The following EYA1 variants were observed in gnomAD, a reference collection of about 807,000 sequenced individuals.
The protein encoded by EYA1 is EYA transcriptional coactivator and phosphatase 1.
EYA1 carries 16 observed loss-of-function variants against 82.0 expected under a neutral mutation model. The ratio of observed to expected loss-of-function variants is 0.20; its 90% CI spans 0.13 to 0.30. EYA1 has a LOEUF of 0.30. EYA1 is among the 10% of genes least tolerant of loss of function. EYA1 has a pLI of 1.00. For missense variants in EYA1, 633 were observed against 730.7 expected (o/e 0.87, Z 1.54); for synonymous variants, 261 against 264.4 (o/e 0.99, Z 0.12).
intron 9 of EYA1, among the ~76,000 whole-genome samples, chr8:71,277,341 G>A (rs1817324090): frequency 6.6e-6 from 1 of 151,812 alleles, no homozygotes; most frequent in Non-Finnish European, 1.5e-5. Context: ...TGTAGAGATG[G>A]GGGTCTTGCT....
At chr8:71,406,892 T>C (rs1277757941) in intron 2 of EYA1, among the ~76,000 whole-genome samples, 2 of 145,636 alleles carry the variant, frequency 1.4e-5, no homozygotes, top group African/African-American at 5.0e-5. Flanking sequence ...GAGGCCTGCC[T>C]GCCTCTGTAG....
chr8:71,321,770 G>C lies in EYA1; in HGVS notation c.382C>G (p.Pro128Ala). The C allele has an allele frequency of 6.2e-7, 1 of 1,614,206 alleles. No homozygotes were observed. The highest frequency in any genetic ancestry group is 8.5e-7 in the Non-Finnish European group (1 of 1,180,044). ...MQQATAYATY[P>A]QPGQPYGISS... ...ATGCCGTACGGCTGTCCTGGCTGTG[G>C]GTACGTGGCATAGGCTGTAGCTTGT... Residue 128 changes from proline (P) to alanine (A), a missense_variant, in exon 6 of 18, where the codon CCA becomes GCA. Transcript: ENST00000340726.
At chr8:71,455,819 T>C (rs2129184344) in intron 2 of EYA1, among the ~76,000 whole-genome samples, 1 of 152,288 alleles carries the variant, frequency 6.6e-6, no homozygotes, top group Non-Finnish European at 1.5e-5. Context: ...GGGCAAAAAC[T>C]GGAAGCATTC....
chr8:71,288,117 T>C (rs570693883), intron 9 of EYA1, among the ~76,000 whole-genome samples: 16 of 152,268 alleles, frequency 1.1e-4, no homozygotes, highest in African/African-American at 3.9e-4. Context: ...CATTCTCAGA[T>C]GGGGTGTTGG....
intron 7 of EYA1, among the ~76,000 whole-genome samples, chr8:71,300,841 T>C (rs1415689901): frequency 1.3e-5 from 2 of 152,062 alleles, no homozygotes; most frequent in African/African-American, 4.8e-5. Flanking sequence ...AAAACTAAAA[T>C]AACAAAAAGT....
At chr8:71,433,872 G>T (rs1413142844) in intron 2 of EYA1, among the ~76,000 whole-genome samples, 1 of 152,228 alleles carries the variant, frequency 6.6e-6, no homozygotes, top group Non-Finnish European at 1.5e-5. Flanking sequence ...GATCTGATTT[G>T]TATTTCAGTG....
At chr8:71,200,694 CTG>C (rs1218212150) in intron 17 of EYA1, among the ~76,000 whole-genome samples, 1 of 152,102 alleles carries the variant, frequency 6.6e-6, no homozygotes, top group Non-Finnish European at 1.5e-5. Context: ...ACAGAGCACA[CTG>C]TGTCAGGTGT....
upstream of EYA1, among the ~76,000 whole-genome samples, chr8:71,364,939 C>CATATAT (rs34890892): frequency 1.8e-4 from 16 of 88,178 alleles, no homozygotes; most frequent in Non-Finnish European, 2.6e-4. Context: ...AAGCAAATGT[C>CATATAT]ATATATATAT....
At chr8:71,318,028 G>A (rs1017798324) in intron 6 of EYA1, among the ~76,000 whole-genome samples, 1 of 152,128 alleles carries the variant, frequency 6.6e-6, no homozygotes, top group Non-Finnish European at 1.5e-5. Flanking sequence ...TCACAGTAAA[G>A]AAATAGCCAT....
chr8:71,213,158 T>C (rs1049915359), intron 16 of EYA1, among the ~76,000 whole-genome samples: 1 of 152,170 alleles, frequency 6.6e-6, no homozygotes, highest in Non-Finnish European at 1.5e-5. Context: ...ACCACATATT[T>C]TTTTTCTGTA....
intron 12 of EYA1, chr8:71,225,362 G>A (rs565065106): frequency 7.2e-5 from 33 of 455,830 alleles, no homozygotes; most frequent in South Asian, 4.8e-4. Flanking sequence ...ATCGCTGGCA[G>A]ACCCTGTCAT....
intron 17 of EYA1, among the ~76,000 whole-genome samples, chr8:71,205,319 A>G (rs896324056): frequency 2.0e-5 from 3 of 152,162 alleles, no homozygotes; most frequent in African/African-American, 7.2e-5. Context: ...GTCAATGTAC[A>G]GGAGACTATT....
intron 11 of EYA1, among the ~76,000 whole-genome samples, chr8:71,257,961 T>C (rs1814637299): frequency 6.6e-6 from 1 of 152,202 alleles, no homozygotes; most frequent in South Asian, 2.1e-4. Context: ...TATTTCTTGC[T>C]AGTTAAATGA....
At chr8:71,522,465 T>C (rs78713522) in intron 2 of EYA1, among the ~76,000 whole-genome samples, 4,340 of 152,294 alleles carry the variant, frequency 0.028, 214 homozygotes, top group African/African-American at 0.099. Flanking sequence ...TCTGTAGTAA[T>C]AGGCACTGGA....
chr8:71,199,958 G>T, intron 17 of EYA1: 1 of 134,806 alleles, frequency 7.4e-6, no homozygotes, highest in Non-Finnish European at 1.5e-5. Flanking sequence ...AACATCTAAC[G>T]TTGTTTTTTT....
At chr8:71,321,930 C>T (rs769520320) in intron 5 of EYA1, 51 bp from the exon 6 acceptor site, 2 of 1,609,270 alleles carry the variant, frequency 1.2e-6, no homozygotes, top group African/African-American at 1.3e-5. Flanking sequence ...TAGATGGAAA[C>T]ATGCAAACCG....
intron 2 of EYA1, chr8:71,470,934 T>TA (rs1362801883): frequency 8.9e-6 from 4 of 448,342 alleles, no homozygotes; most frequent in Admixed American, 4.9e-5. Context: ...CCAATGGGCT[T>TA]TAAAAAAAAA....
At chr8:71,291,835 G>GT (rs1176945132) in intron 9 of EYA1, among the ~76,000 whole-genome samples, 7 of 152,088 alleles carry the variant, frequency 4.6e-5, no homozygotes, top group Non-Finnish European at 8.8e-5. Context: ...ATGGTATATT[G>GT]TAAGATTACA....
chr8:71,397,229 T>C (rs1829679683), intron 2 of EYA1, among the ~76,000 whole-genome samples: 1 of 152,230 alleles, frequency 6.6e-6, no homozygotes, highest in African/African-American at 2.4e-5. Context: ...TGATGGGTCT[T>C]CACTCTTTAT....
Sources: gnomAD v4.1 joint callset for allele counts (sites outside exome capture counted in the v4.1 genomes callset) on GRCh38, gnomAD v4.1.1 for gene constraint, MANE v1.5 for transcripts, NCBI Gene and HGNC (gene_info 2026-07-23, HGNC 2026-07-21) for gene names.